Variants in ST3GAL1 observed in about 807,000 individuals in gnomAD.
ST3GAL1 encodes CMP-N-acetylneuraminate-beta-galactosamide-alpha-2,3-sialyltransferase 1.
Under a neutral mutation model 34.1 loss-of-function variants are expected in ST3GAL1, and 16 were observed. The ratio of observed to expected loss-of-function variants is 0.47; its 90% CI spans 0.32 to 0.71. The LOEUF is 0.71. Ranked by LOEUF, ST3GAL1 falls within the 30% of genes least tolerant of loss-of-function variation. The pLI is 0.04. For missense variants in ST3GAL1, 353 were observed against 447.4 expected, an observed-to-expected ratio of 0.79 and a Z score of 1.90; for synonymous variants, 191 against 184.7, an observed-to-expected ratio of 1.03 and a Z score of -0.28.
At chr8:133,551,600 AAGAAAGAAAGAAAG>A (rs1260951810) in intron 1 of ST3GAL1, among the ~76,000 whole-genome samples, 1 of 148,030 alleles carries the variant, frequency 6.8e-6, no homozygotes, top group African/African-American at 2.5e-5. Context: ...GAAAGAAAGA[AAGAAAGAAAGAAAG>A]AAAGAGCGAG....
At chr8:133,548,492 C>A (rs1045522781) in intron 1 of ST3GAL1, among the ~76,000 whole-genome samples, 2 of 152,224 alleles carry the variant, frequency 1.3e-5, no homozygotes, top group African/African-American at 4.8e-5. Flanking sequence ...AGGGCAAGGG[C>A]ATGTCTGCCC....
chr8:133,455,157 C>G lies in ST3GAL1; in HGVS notation c.*4607G>C, dbSNP rs905631360. The G allele has an allele frequency of 6.6e-6, 1 of 152,286 alleles. No individual in the cohort carries two copies. Among genetic ancestry groups the G allele is most frequent in the African/African-American group, 2.4e-5 (1 of 41,420 alleles). 9.4% of individuals were successfully genotyped at this position (152,286 alleles called of 1,614,324 possible). A position where few individuals can be genotyped will look rare whatever the true frequency, so the allele number is the denominator to read the frequency against. On this transcript the variant is annotated 3_prime_UTR_variant, in exon 10 of 10. Transcript: ENST00000522652. ...AGGAAGGGAAGAAACCCACGATCAC[C>G]CTAAGGGGCGGGGGGCTGGAGGGCG... is the stretch of plus-strand genomic sequence containing the variant.
intron 2 of ST3GAL1, among the ~76,000 whole-genome samples, chr8:133,529,965 C>G (rs1311074709): frequency 6.6e-6 from 1 of 152,144 alleles, no homozygotes; most frequent in Non-Finnish European, 1.5e-5. Flanking sequence ...TCCTACACAT[C>G]ATGAAATCTC....
chr8:133,525,784 C>T (rs1026918662), intron 2 of ST3GAL1, among the ~76,000 whole-genome samples: 4 of 152,206 alleles, frequency 2.6e-5, no homozygotes, highest in Non-Finnish European at 5.9e-5. Context: ...CACCCAGGCT[C>T]AGTTTCAACT....
chr8:133,529,087 C>T (rs527337873), intron 2 of ST3GAL1, among the ~76,000 whole-genome samples: 54 of 152,362 alleles, frequency 3.5e-4, no homozygotes, highest in African/African-American at 1.3e-3. Context: ...CCGAGCAGAG[C>T]ATACACAGAT....
intron 5 of ST3GAL1, among the ~76,000 whole-genome samples, chr8:133,472,417 C>T (rs1390509936): frequency 6.6e-6 from 1 of 152,130 alleles, no homozygotes; most frequent in Non-Finnish European, 1.5e-5. Context: ...GTCCCTCCCA[C>T]AACACGTGGG....
intron 2 of ST3GAL1, among the ~76,000 whole-genome samples, chr8:133,505,454 G>C (rs992571496): frequency 4.6e-5 from 7 of 152,164 alleles, no homozygotes; most frequent in Admixed American, 3.9e-4. Context: ...CTGGAGTAAA[G>C]TCTTTTGGCT....
At position 133,497,455 on chromosome 8, in the gene ST3GAL1, A is replaced by ATT. The variant is rs1816988627; in HGVS notation, c.-374+1679_-374+1680insAA. ...CTTCTCTCCCATGCAATTTTGTTGG[A>ATT]ATTTTTTTTTTTTTTTTTTTTTTTT... On this transcript the variant is annotated intron_variant, in intron 3 of 9. Coordinates refer to ENST00000522652, the MANE Select transcript of ST3GAL1 (RefSeq NM_173344.3). Among the ~76,000 whole-genome samples the ATT allele has an allele frequency of 2.3e-4, 23 of 101,222 alleles. 1 individual carries two copies. Among genetic ancestry groups the ATT allele is most frequent in the South Asian group, 1.3e-3 (4 of 3,052 alleles). 66.4% of individuals were successfully genotyped at this position (101,222 alleles called of 152,430 possible).
intron 1 of ST3GAL1, among the ~76,000 whole-genome samples, chr8:133,559,389 C>T (rs1343229692): frequency 6.6e-6 from 1 of 152,164 alleles, no homozygotes; most frequent in Non-Finnish European, 1.5e-5. Flanking sequence ...TCAACCCATT[C>T]TGAAAGGTGT....
Position 133,550,317 on chromosome 8 carries a change from G to A in ST3GAL1, c.-581-4391C>T, listed in dbSNP as rs111500459. ...TAAGAGCAACAACTAAACTCTTACC[G>A]CTGAAACATCTGTGAAGCATGTTCA... On this transcript the variant is annotated intron_variant, in intron 1 of 9. Coordinates refer to ENST00000522652, the MANE Select transcript of ST3GAL1 (RefSeq NM_173344.3). 3.4e-3 allele frequency among the ~76,000 whole-genome samples: 522 copies of A among 152,162 alleles called. 5 individuals carry two copies. The highest frequency in any genetic ancestry group is 0.011 in the African/African-American group (454 of 41,510).
chr8:133,490,953 C>T (rs1816766526), intron 3 of ST3GAL1, among the ~76,000 whole-genome samples: 1 of 152,178 alleles, frequency 6.6e-6, no homozygotes, highest in Admixed American at 6.5e-5. Flanking sequence ...TCGGCGCCTG[C>T]CCATTTGCCC....
At chr8:133,568,681 CCTT>C (rs958876658) in intron 1 of ST3GAL1, among the ~76,000 whole-genome samples, 2 of 151,726 alleles carry the variant, frequency 1.3e-5, no homozygotes, top group African/African-American at 4.8e-5. Flanking sequence ...GAGTCAGCAA[CCTT>C]CTACACAGGA....
At chr8:133,499,247 G>C (rs1369898785) in intron 2 of ST3GAL1, 58 bp from the exon 3 acceptor site, 1 of 152,188 alleles carries the variant, frequency 6.6e-6, no homozygotes, top group Non-Finnish European at 1.5e-5. Context: ...CGTGAGGATT[G>C]GTGAGACAGT....
At chr8:133,490,087 A>G (rs1320278153) in intron 3 of ST3GAL1, among the ~76,000 whole-genome samples, 1 of 152,124 alleles carries the variant, frequency 6.6e-6, no homozygotes, top group Non-Finnish European at 1.5e-5. Flanking sequence ...TCGGGCAGGC[A>G]TTTGCTCTTT....
chr8:133,527,864 C>G (rs972822981), intron 2 of ST3GAL1, among the ~76,000 whole-genome samples: 6 of 152,142 alleles, frequency 3.9e-5, no homozygotes, highest in Admixed American at 6.5e-5. Context: ...CCATTCCCAT[C>G]GAGAGCTCAT....
rs1425956388 is a variant in ST3GAL1, at chr8:133,540,670, G to A, written c.-429+5104C>T. On this transcript the variant is annotated intron_variant, in intron 2 of 9. Transcript: ENST00000522652. ...CCACACCCATGCTATGCCCTGCCCTGGGACCCCCTGCCCCTGCCCACACCA... is the reference window on the plus strand; with the variant it reads ...CCACACCCATGCTATGCCCTGCCCTAGGACCCCCTGCCCCTGCCCACACCA... Among the ~76,000 whole-genome samples the A allele has an allele frequency of 2.0e-5, 3 of 149,002 alleles. No homozygotes were observed. In the South Asian group the frequency reaches 6.3e-4, roughly 31 times the overall value.
chr8:133,513,189 C>T (rs1394398836), intron 2 of ST3GAL1, among the ~76,000 whole-genome samples: 6 of 152,216 alleles, frequency 3.9e-5, no homozygotes, highest in African/African-American at 1.4e-4. Context: ...TACCCCCACC[C>T]CAGCCCTGCT....
chr8:133,517,912 C>A (rs1327853344), intron 2 of ST3GAL1, among the ~76,000 whole-genome samples: 1 of 152,166 alleles, frequency 6.6e-6, no homozygotes, highest in Non-Finnish European at 1.5e-5. Context: ...ATCCAGGAAC[C>A]CTGAGCTCAC....
intron 3 of ST3GAL1, among the ~76,000 whole-genome samples, chr8:133,493,955 C>T (rs1248771483): frequency 6.6e-6 from 1 of 152,040 alleles, no homozygotes; most frequent in Non-Finnish European, 1.5e-5. Flanking sequence ...CCTAAATGAC[C>T]AACACCACCC....
Sources: gnomAD v4.1 joint callset for allele counts (sites outside exome capture counted in the v4.1 genomes callset) on GRCh38, gnomAD v4.1.1 for gene constraint, MANE v1.5 for transcripts, NCBI Gene and HGNC (gene_info 2026-07-23, HGNC 2026-07-21) for gene names.